The following SFI1 variants were observed in gnomAD, a reference collection of about 807,000 sequenced individuals.
The protein encoded by SFI1 is protein SFI1 homolog.
In SFI1, 195 loss-of-function variants were observed where a neutral mutation model predicts 207.5. The observed-to-expected ratio is 0.94, with a 90% CI of 0.84 to 1.06. The LOEUF is 1.06. Ranked by LOEUF, SFI1 falls within the 50% of genes least tolerant of loss-of-function variation. The pLI is 0.00. For synonymous variants in SFI1, 630 were observed against 598.9 expected, an observed-to-expected ratio of 1.05 and a Z score of -0.76; for missense variants, 1,634 against 1,588.0, an observed-to-expected ratio of 1.03 and a Z score of -0.49.
At chr22:31,578,511 T>G in intron 11 of SFI1, 59 bp downstream of exon 11, 5 of 1,530,880 alleles carry the variant, frequency 3.3e-6, no homozygotes, top group Non-Finnish European at 4.5e-6. Context: ...GTATCCACTC[T>G]TGGGGGACCC....
chr22:31,546,069 A>AT (rs1250695416), intron 4 of SFI1, among the ~76,000 whole-genome samples: 1 of 150,108 alleles, frequency 6.7e-6, no homozygotes, highest in Non-Finnish European at 1.5e-5. Flanking sequence ...CTAATTTTTT[A>AT]TTTTTTGTAG....
At chr22:31,607,908 C>T (rs756203438) in intron 21 of SFI1, 29 bp from the exon 22 acceptor site, 2 of 1,606,654 alleles carry the variant, frequency 1.2e-6, no homozygotes, top group African/African-American at 1.3e-5. Context: ...GGTATAGTGA[C>T]TCTTGCTGTG....
At chr22:31,560,479 G>C (rs1343453936) in intron 7 of SFI1, among the ~76,000 whole-genome samples, 2 of 145,110 alleles carry the variant, frequency 1.4e-5, no homozygotes, top group East Asian at 4.1e-4. Context: ...TTGGCTCACA[G>C]CCACCTCTGC....
At chr22:31,530,650 G>A (rs1175918040) in intron 3 of SFI1, 1 of 471,796 alleles carries the variant, frequency 2.1e-6, no homozygotes, top group Middle Eastern at 3.2e-4. Context: ...GTGATATGGT[G>A]TCATAACATT....
intron 21 of SFI1, 23 bp from the exon 22 acceptor site, chr22:31,607,914 C>T (rs1473052266): frequency 1.2e-6 from 2 of 1,609,286 alleles, no homozygotes; most frequent in Non-Finnish European, 1.7e-6. Context: ...GTGACTCTTG[C>T]TGTGCTCCTT....
intron 12 of SFI1, among the ~76,000 whole-genome samples, chr22:31,583,489 T>C (rs748824565): frequency 3.3e-5 from 5 of 152,236 alleles, no homozygotes; most frequent in Non-Finnish European, 7.3e-5. Flanking sequence ...TCCTTTAGTC[T>C]ACATGGTTCC....
intron 2 of SFI1, among the ~76,000 whole-genome samples, chr22:31,523,806 TG>T (rs1302696225): frequency 2.0e-5 from 3 of 152,222 alleles, no homozygotes; most frequent in South Asian, 4.1e-4. Flanking sequence ...GGAATCAGGG[TG>T]TTTTTTTTTA....
chr22:31,517,036 A>C (rs550090469), intron 2 of SFI1, among the ~76,000 whole-genome samples: 2 of 152,116 alleles, frequency 1.3e-5, no homozygotes, highest in South Asian at 4.2e-4. Context: ...TGGGAGGCTG[A>C]AGCGGGAGAA....
intron 5 of SFI1, 91 bp from the exon 6 acceptor site, chr22:31,550,163 G>A (rs977427168): frequency 1.1e-6 from 1 of 870,060 alleles, no homozygotes; most frequent in Admixed American, 2.3e-5. Context: ...TCCTTGCCTT[G>A]GCCTCCCAAA....
chr22:31,510,329 G>C (rs2055312379), intron 2 of SFI1, among the ~76,000 whole-genome samples: 1 of 151,776 alleles, frequency 6.6e-6, no homozygotes, highest in Non-Finnish European at 1.5e-5. Flanking sequence ...CAAAGTGCTG[G>C]GATTACAGGT....
At position 31,614,374 on chromosome 22, in the gene SFI1, A is replaced by C. The variant is rs2070975568; in HGVS notation, c.2997-415A>C. On this transcript the variant is annotated intron_variant, in intron 27 of 32. Transcript: ENST00000400288. Reference sequence around the variant, plus strand: ...GATGAAGCTGGTGGCTCCCACAGCAACCAGCACTACCCGAGAGCCTTGGGC... The same window carrying C: ...GATGAAGCTGGTGGCTCCCACAGCACCCAGCACTACCCGAGAGCCTTGGGC... 4 of 376,780 alleles carry C rather than the reference A, an allele frequency of 1.1e-5. No homozygotes were observed. In the Admixed American group the frequency reaches 1.5e-4, roughly 14 times the overall value. The allele number at this position is 376,780 out of a possible 1,614,324, so 23.3% of individuals were successfully genotyped here. A position where few individuals can be genotyped will look rare whatever the true frequency, so the allele number is the denominator to read the frequency against.
At chr22:31,611,897 G>A in intron 24 of SFI1, 57 bp downstream of exon 24, 3 of 1,604,196 alleles carry the variant, frequency 1.9e-6, no homozygotes, top group East Asian at 2.2e-5. Context: ...TGGCCTGTGA[G>A]GCCTGGGCAG....
At chr22:31,593,974 G>A (rs2066602223) in intron 15 of SFI1, among the ~76,000 whole-genome samples, 1 of 128,802 alleles carries the variant, frequency 7.8e-6, no homozygotes, top group Non-Finnish European at 1.7e-5. Flanking sequence ...GGGAGACCAT[G>A]GGGAGACGGA....
chr22:31,573,140 A>C lies in SFI1; in HGVS notation c.848A>C (p.His283Pro), dbSNP rs764718258. The C allele has an allele frequency of 6.2e-7, 1 of 1,613,924 alleles. No individual in the cohort carries two copies. Among genetic ancestry groups the C allele is most frequent in the South Asian group, 1.1e-5 (1 of 91,072 alleles). Residue 283 changes from histidine (H) to proline (P), a missense_variant, in exon 9 of 33, where the codon CAC becomes CCC. By Grantham distance (77) the His-to-Pro change is moderately conservative. Coordinates refer to ENST00000400288, the MANE Select transcript of SFI1 (RefSeq NM_001007467.3). ...GTCTCTGCAGTGAAACATCATCAGC[A>C]CTGGCAAAAACGGAGATTTCTAAAG... ...KVVSAVKHHQ[H>P]WQKRRFLKAW...
chr22:31,573,498 C>T (rs959702229), intron 9 of SFI1, among the ~76,000 whole-genome samples: 10 of 148,632 alleles, frequency 6.7e-5, no homozygotes, highest in African/African-American at 1.7e-4. Context: ...AGTGCAGTGG[C>T]GCAATCTCGG....
Position 31,603,759 on chromosome 22 carries a change from G to A in SFI1, c.1821G>A (p.Val607=). ...QGLRTERTGR[V]RAAEFHMAQL... ...CTCCCCACAGGAGGACGGGCAGGGT[G>A]CGGGCAGCAGAATTCCACATGGCCC... is the stretch of plus-strand genomic sequence containing the variant. Residue 607 remains valine, a synonymous_variant, in exon 18 of 33, where the codon GTG becomes GTA. Coordinates refer to ENST00000400288, the MANE Select transcript of SFI1 (RefSeq NM_001007467.3). 1.3e-6 allele frequency: 2 copies of A among 1,543,904 alleles called. No homozygotes were observed. Among genetic ancestry groups the A allele is most frequent in the African/African-American group, 1.4e-5 (1 of 69,562 alleles).
intron 8 of SFI1, among the ~76,000 whole-genome samples, chr22:31,564,184 G>A (rs13055953): frequency 0.033 from 4,931 of 151,284 alleles, 93 homozygotes; most frequent in Non-Finnish European, 0.053. Flanking sequence ...AAAATTAGCC[G>A]GGCGTGGTGG....
chr22:31,614,709 A>T, intron 27 of SFI1, 80 bp from the exon 28 acceptor site: 1 of 1,505,842 alleles, frequency 6.6e-7, no homozygotes, highest in Non-Finnish European at 9.2e-7. Flanking sequence ...TCCCTATAAA[A>T]TTGGAGATCC....
At chr22:31,541,103 G>T (rs1039259027) in intron 4 of SFI1, among the ~76,000 whole-genome samples, 2 of 152,120 alleles carry the variant, frequency 1.3e-5, no homozygotes, top group African/African-American at 4.8e-5. Context: ...ACATAGGCTT[G>T]CAAACAGTCC....
Sources: gnomAD v4.1 joint callset for allele counts (sites outside exome capture counted in the v4.1 genomes callset) on GRCh38, gnomAD v4.1.1 for gene constraint, MANE v1.5 for transcripts, NCBI Gene and HGNC (gene_info 2026-07-23, HGNC 2026-07-21) for gene names.